EYS: variants seen among roughly 807,000 people sequenced by gnomAD.
EYS encodes protein eyes shut homolog.
A neutral mutation model predicts 282.1 loss-of-function variants in EYS; 250 were observed. That is an observed-to-expected ratio of 0.89 (90% CI 0.80 to 0.98). The LOEUF is 0.98. Ranked by LOEUF, EYS falls within the 50% of genes least tolerant of loss-of-function variation. The pLI is 0.00. For missense variants in EYS, 4,016 were observed against 3,709.0 expected, an observed-to-expected ratio of 1.08 and a Z score of -2.15; for synonymous variants, 1,355 against 1,282.9, an observed-to-expected ratio of 1.06 and a Z score of -1.20.
At chr6:63,895,246 ATTT>A (rs56246947) in intron 35 of EYS, among the ~76,000 whole-genome samples, 3 of 151,936 alleles carry the variant, frequency 2.0e-5, no homozygotes, top group East Asian at 3.9e-4. Flanking sequence ...CAATGATTTC[ATTT>A]TTTTTTCAGT....
chr6:64,569,257 C>T (rs961688830), intron 26 of EYS, among the ~76,000 whole-genome samples: 7 of 151,686 alleles, frequency 4.6e-5, no homozygotes, highest in Non-Finnish European at 1.0e-4. Context: ...AAAAGGTTAG[C>T]GGGATTGCTA....
At chr6:65,135,440 G>T (rs1197376710) in intron 12 of EYS, among the ~76,000 whole-genome samples, 1 of 151,856 alleles carries the variant, frequency 6.6e-6, no homozygotes, top group East Asian at 1.9e-4. Flanking sequence ...AAGACCTGTA[G>T]TTTAAATGTT....
At position 65,370,595 on chromosome 6, in the gene EYS, C is replaced by A. The variant is rs897309104; in HGVS notation, c.1299+13791G>T. ...TATTTTTTGACATAAAACCATAATG[C>A]AAATTTTTTTTATGTATCACTTAAT... On this transcript the variant is annotated intron_variant, in intron 8 of 42. Coordinates refer to ENST00000503581, the MANE Select transcript of EYS (RefSeq NM_001142800.2). Among the ~76,000 whole-genome samples, 6 of 151,834 alleles carry A rather than the reference C, an allele frequency of 4.0e-5. No individual in the cohort carries two copies. The East Asian group carries it at 1.2e-3, about 29-fold the overall frequency.
chr6:65,055,822 C>A (rs534075681), intron 13 of EYS, among the ~76,000 whole-genome samples: 1 of 151,986 alleles, frequency 6.6e-6, no homozygotes, highest in African/African-American at 2.4e-5. Context: ...GTTATTAACA[C>A]GGCTGTGTAT....
At position 64,175,487 on chromosome 6, in the gene EYS, C is replaced by T. The variant is rs1358046544; in HGVS notation, c.6424+55105G>A. ...ATTGCTTCATTTTGCCCAACTGCTT[C>T]GTGAGAGCGTACGTAAATTATTACT... is the stretch of plus-strand genomic sequence containing the variant. On this transcript the variant is annotated intron_variant, in intron 31 of 42. Transcript: ENST00000503581. 5.9e-5 allele frequency among the ~76,000 whole-genome samples: 9 copies of T among 152,276 alleles called. 1 individual carries two copies. Among genetic ancestry groups the T allele is most frequent in the Admixed American group, 4.6e-4 (7 of 15,286 alleles).
chr6:64,436,092 T>G, intron 28 of EYS, 82 bp downstream of exon 28: 1 of 781,278 alleles, frequency 1.3e-6, no homozygotes, highest in Non-Finnish European at 2.0e-6. Flanking sequence ...ATAACCTCAA[T>G]TTTGAAATGA....
At chr6:64,228,864 G>GT (rs1766330865) in intron 31 of EYS, among the ~76,000 whole-genome samples, 1 of 152,078 alleles carries the variant, frequency 6.6e-6, no homozygotes, top group Non-Finnish European at 1.5e-5. Flanking sequence ...AAGATACTAG[G>GT]TAAAGAGTTA....
rs758077611 is a variant in EYS at position 64,591,478 on chromosome 6, C to T, written c.4389G>A (p.Arg1463=). ...ASISATPVVS[R]GAQEDIEEYS... ...ATTCTTCAATATCCTCTTGAGCCCCCCTAGAGACAACTGGAGTTGCACTTA... is the reference window on the plus strand; with the variant it reads ...ATTCTTCAATATCCTCTTGAGCCCCTCTAGAGACAACTGGAGTTGCACTTA... The change falls in exon 26 of 43, where the codon AGG becomes AGA. Residue 1463 remains arginine (R), a synonymous_variant. Coordinates refer to ENST00000503581, the MANE Select transcript of EYS (RefSeq NM_001142800.2). The T allele has an allele frequency of 1.1e-5, 17 of 1,551,142 alleles. No individual in the cohort carries two copies. The highest frequency in any genetic ancestry group is 1.1e-4 in the South Asian group (9 of 84,056).
chr6:65,141,479 A>G (rs936141365), intron 12 of EYS, among the ~76,000 whole-genome samples: 3 of 148,902 alleles, frequency 2.0e-5, no homozygotes, highest in African/African-American at 7.5e-5. Context: ...GTACCCAAAA[A>G]CTTAAAGTAT....
intron 26 of EYS, among the ~76,000 whole-genome samples, chr6:64,469,396 T>C (rs1776035000): frequency 6.6e-6 from 1 of 152,102 alleles, no homozygotes. Context: ...TGATTATATA[T>C]AAATATAATT....
At chr6:65,084,601 G>C (rs1417033696) in intron 12 of EYS, among the ~76,000 whole-genome samples, 1 of 151,988 alleles carries the variant, frequency 6.6e-6, no homozygotes, top group African/African-American at 2.4e-5. Flanking sequence ...CCTATTCTAA[G>C]TGTCAGAGAC....
intron 23 of EYS, among the ~76,000 whole-genome samples, chr6:64,625,443 T>C (rs1767575355): frequency 6.6e-6 from 1 of 152,180 alleles, no homozygotes. Context: ...TGATGACAGA[T>C]CCTGTGTCTG....
intron 12 of EYS, among the ~76,000 whole-genome samples, chr6:65,209,360 G>GA (rs977202554): frequency 2.7e-5 from 4 of 150,718 alleles, no homozygotes; most frequent in Non-Finnish European, 5.9e-5. Context: ...TATATTAAAA[G>GA]AAAAAATATG....
intron 5 of EYS, among the ~76,000 whole-genome samples, chr6:65,409,672 G>A (rs184727857): frequency 0.013 from 1,934 of 152,202 alleles, 18 homozygotes; most frequent in Non-Finnish European, 0.019. Context: ...TATAGTGCAA[G>A]AGTTTTTAGT....
At chr6:65,015,226 G>T (rs1243688858) in intron 13 of EYS, among the ~76,000 whole-genome samples, 4 of 152,196 alleles carry the variant, frequency 2.6e-5, no homozygotes, top group African/African-American at 9.7e-5. Flanking sequence ...AGCAAAAACT[G>T]CCAGTTAAAT....
intron 29 of EYS, among the ~76,000 whole-genome samples, chr6:64,364,780 G>A (rs1162564): frequency 0.69 from 103,958 of 151,462 alleles, 35,725 homozygotes; most frequent in South Asian, 0.71. Flanking sequence ...GGTGAGGGAT[G>A]AAATACTTCC....
At chr6:64,342,659 A>G (rs1254153849) in intron 29 of EYS, among the ~76,000 whole-genome samples, 1 of 152,060 alleles carries the variant, frequency 6.6e-6, no homozygotes, top group Non-Finnish European at 1.5e-5. Context: ...TGCATCAACT[A>G]ACGAGCAAAA....
intron 22 of EYS, among the ~76,000 whole-genome samples, chr6:64,774,136 C>T (rs974528134): frequency 6.6e-6 from 1 of 151,826 alleles, no homozygotes; most frequent in African/African-American, 2.4e-5. Flanking sequence ...AAATACAGAA[C>T]ACTAAATACA....
chr6:65,305,664 A>T (rs1768984911), intron 11 of EYS, among the ~76,000 whole-genome samples: 1 of 152,204 alleles, frequency 6.6e-6, no homozygotes, highest in South Asian at 2.1e-4. Context: ...TATTTCTGGG[A>T]TTCCCTGGAT....
Sources: gnomAD v4.1 joint callset for allele counts (sites outside exome capture counted in the v4.1 genomes callset) on GRCh38, gnomAD v4.1.1 for gene constraint, MANE v1.5 for transcripts, NCBI Gene and HGNC (gene_info 2026-07-23, HGNC 2026-07-21) for gene names.